CPSF3: variants seen among roughly 807,000 people sequenced by gnomAD.
The protein encoded by CPSF3 is cleavage and polyadenylation specificity factor subunit 3.
In CPSF3, 57 loss-of-function variants were observed where a neutral mutation model predicts 84.1. The observed-to-expected ratio is 0.68, with a 90% CI of 0.55 to 0.85. The LOEUF is 0.85. Ranked by LOEUF, CPSF3 falls within the 40% of genes least tolerant of loss-of-function variation. The probability of loss-of-function intolerance (pLI) is 0.00; values close to 1 mark genes in which losing one functional copy is unlikely to be tolerated. For missense variants in CPSF3, 522 were observed against 838.8 expected (o/e 0.62, Z 4.66); for synonymous variants, 275 against 278.1 (o/e 0.99, Z 0.11).
At chr2:9,438,117 G>GA (rs971511641) in intron 7 of CPSF3, among the ~76,000 whole-genome samples, 3 of 152,158 alleles carry the variant, frequency 2.0e-5, no homozygotes, top group African/African-American at 4.8e-5. Flanking sequence ...GTGAGGAGGA[G>GA]AAAAAATAGT....
At chr2:9,458,989 G>A (rs1681629295) in intron 14 of CPSF3, among the ~76,000 whole-genome samples, 1 of 151,854 alleles carries the variant, frequency 6.6e-6, no homozygotes, top group Non-Finnish European at 1.5e-5. Context: ...GCACATACCT[G>A]TAATCCCAGC....
At chr2:9,449,359 G>A (rs1396492651) in intron 11 of CPSF3, among the ~76,000 whole-genome samples, 1 of 152,200 alleles carries the variant, frequency 6.6e-6, no homozygotes, top group African/African-American at 2.4e-5. Context: ...CTGAGAGATG[G>A]AGGTTGCGGT....
Position 9,455,680 on chromosome 2 carries a change from G to A in CPSF3, c.1526G>A (p.Ser509Asn). 3 of 1,613,924 alleles carry A rather than the reference G, an allele frequency of 1.9e-6. No individual in the cohort carries two copies. The highest frequency in any genetic ancestry group is 2.5e-6 in the Non-Finnish European group (3 of 1,179,846). Residue 509 changes from serine (S) to asparagine (N), a missense_variant, in exon 13 of 18, where the codon AGC becomes AAC. Physicochemically the swap from Ser to Asn is conservative, Grantham distance 46. Transcript: ENST00000238112. ...DLSNYTDLAMSTVKQTQAIPY... is the reference protein window; with the variant it reads ...DLSNYTDLAMNTVKQTQAIPY... ...TCAGATTATACTGACCTGGCCATGA[G>A]CACGGTGAAGCAGACCCAAGCCATT...
Position 9,459,638 on chromosome 2 carries a change from CTTTTTTTTTTTTTTT to C in CPSF3, c.1786+34_1786+48del, listed in dbSNP as rs543727439. ...GAAAAGGTAAGAGTTCATTTTTATC[CTTTTTTTTTTTTTTT>C]TTTTTTTTTTTTTGGAGACGGATAC... On this transcript the variant is annotated intron_variant, in intron 15 of 17. Transcript: ENST00000238112. 39 of 310,494 alleles carry C rather than the reference CTTTTTTTTTTTTTTT, an allele frequency of 1.3e-4. No individual in the cohort carries two copies. The highest frequency in any genetic ancestry group is 1.5e-4 in the Non-Finnish European group (27 of 181,686). The allele number at this position is 310,494 out of a possible 1,614,324, so 19.2% of individuals were successfully genotyped here. A position where few individuals can be genotyped will look rare whatever the true frequency, so the allele number is the denominator to read the frequency against.
intron 1 of CPSF3, chr2:9,424,264 A>G: frequency 1.0e-6 from 1 of 988,302 alleles, no homozygotes; most frequent in Non-Finnish European, 1.2e-6. Flanking sequence ...TCTTAACACC[A>G]GGGCTTCACA....
intron 15 of CPSF3, among the ~76,000 whole-genome samples, chr2:9,467,492 T>A (rs1320693493): frequency 6.6e-6 from 1 of 151,982 alleles, no homozygotes; most frequent in East Asian, 1.9e-4. Context: ...TAATAGAAAA[T>A]TTTTTTTAAA....
intron 10 of CPSF3, 116 bp downstream of exon 10, chr2:9,443,777 G>C (rs879130473): frequency 8.2e-6 from 9 of 1,098,086 alleles, no homozygotes; most frequent in Non-Finnish European, 1.2e-5. Context: ...GACACCCCCT[G>C]AGCAGAGCCT....
chr2:9,438,645 A>G (rs2124821199), intron 7 of CPSF3, among the ~76,000 whole-genome samples: 1 of 151,890 alleles, frequency 6.6e-6, no homozygotes, highest in East Asian at 1.9e-4. Flanking sequence ...CCTCCTGAGT[A>G]GCTGGGATCC....
intron 13 of CPSF3, among the ~76,000 whole-genome samples, chr2:9,456,169 G>A (rs1278258087): frequency 6.6e-6 from 1 of 151,896 alleles, no homozygotes; most frequent in Admixed American, 6.6e-5. Context: ...AGTCTATACA[G>A]CAGGTTTTAT....
chr2:9,447,421 G>T (rs1208528469), intron 10 of CPSF3, among the ~76,000 whole-genome samples: 2 of 152,082 alleles, frequency 1.3e-5, no homozygotes, highest in African/African-American at 4.8e-5. Context: ...TGAGGCTGCA[G>T]TGAGCCATGA....
At chr2:9,441,347 A>C (rs1680954724) in intron 8 of CPSF3, among the ~76,000 whole-genome samples, 1 of 152,268 alleles carries the variant, frequency 6.6e-6, no homozygotes. Flanking sequence ...TTTTAAGTTA[A>C]CTGCTTAAGG....
chr2:9,425,209 T>C (rs1680338345), intron 1 of CPSF3, among the ~76,000 whole-genome samples: 1 of 152,192 alleles, frequency 6.6e-6, no homozygotes, highest in South Asian at 2.1e-4. Context: ...GTGGCCAGAT[T>C]CCTCATGGCT....
At chr2:9,448,713 C>T (rs113809322) in intron 11 of CPSF3, among the ~76,000 whole-genome samples, 5,684 of 152,214 alleles carry the variant, frequency 0.037, 343 homozygotes, top group African/African-American at 0.13. Context: ...CGCGCCACCA[C>T]GCCCAGCTAA....
chr2:9,444,880 G>C (rs1681077962), intron 10 of CPSF3, among the ~76,000 whole-genome samples: 1 of 151,746 alleles, frequency 6.6e-6, no homozygotes, highest in African/African-American at 2.4e-5. Context: ...TGGCCAGGCT[G>C]TTCTCAAACT....
In CPSF3 at chr2:9,467,691, CTT is replaced by C. The variant is rs752250920; in HGVS notation, c.1787-7_1787-6del. The C allele has an allele frequency of 8.5e-6, 12 of 1,416,298 alleles. No homozygotes were observed. Among genetic ancestry groups the C allele is most frequent in the Admixed American group, 4.0e-5 (2 of 50,062 alleles). The allele number at this position is 1,416,298 out of a possible 1,614,324, so 87.7% of individuals were successfully genotyped here. ...AATTTAGAAACTGAACTCTCTGTCGCTTTTTTTTTTCCCAGGTGCAGTACAGA... is the reference window on the plus strand; with the variant it reads ...AATTTAGAAACTGAACTCTCTGTCGCTTTTTTTTCCCAGGTGCAGTACAGA... On this transcript the variant is annotated splice_polypyrimidine_tract_variant and intron_variant, in intron 15 of 17. Transcript: ENST00000238112.
intron 12 of CPSF3, among the ~76,000 whole-genome samples, chr2:9,454,335 G>A (rs1558460523): frequency 6.6e-6 from 1 of 152,040 alleles, no homozygotes; most frequent in East Asian, 1.9e-4. Context: ...TTGAATGCAG[G>A]AGGCAGAGGT....
At chr2:9,423,853 C>T (rs1191919621) in intron 1 of CPSF3, 30 bp downstream of exon 1, 1 of 1,610,198 alleles carries the variant, frequency 6.2e-7, no homozygotes, top group Admixed American at 1.7e-5. Context: ...GGGAATGAAG[C>T]CACGGGCTGT....
chr2:9,452,823 T>TG, intron 11 of CPSF3, 90 bp from the exon 12 acceptor site: 1 of 764,670 alleles, frequency 1.3e-6, no homozygotes, highest in Non-Finnish European at 2.2e-6. Context: ...TCAAAGGTGT[T>TG]ATGGTCTTCA....
intron 1 of CPSF3, chr2:9,424,586 G>A (rs1020740969): frequency 6.6e-6 from 1 of 152,218 alleles, no homozygotes; most frequent in Non-Finnish European, 1.5e-5. Flanking sequence ...CTTTCCAAAA[G>A]GTAGAAAGTA....
Sources: gnomAD v4.1 joint callset for allele counts (sites outside exome capture counted in the v4.1 genomes callset) on GRCh38, gnomAD v4.1.1 for gene constraint, MANE v1.5 for transcripts, NCBI Gene and HGNC (gene_info 2026-07-23, HGNC 2026-07-21) for gene names.